EI24: variants seen among roughly 807,000 people sequenced by gnomAD.
The protein encoded by EI24 is etoposide-induced protein 2.4 homolog.
A neutral mutation model predicts 48.6 loss-of-function variants in EI24; 21 were observed. That is an observed-to-expected ratio of 0.43 (90% CI 0.31 to 0.62). The LOEUF is 0.62. Ranked by LOEUF, EI24 falls within the 20% of genes least tolerant of loss-of-function variation. The pLI is 0.10. For synonymous variants in EI24, 114 were observed against 145.5 expected (o/e 0.78, Z 1.56); for missense variants, 280 against 410.5 (o/e 0.68, Z 2.75).
intron 4 of EI24, 147 bp downstream of exon 4, chr11:125,576,462 C>A: frequency 1.3e-6 from 1 of 753,160 alleles, no homozygotes; most frequent in Non-Finnish European, 2.2e-6. Flanking sequence ...GTCTGTGCAT[C>A]TGCAGAGATT....
chr11:125,583,468 G>C, intron 10 of EI24, 53 bp from the exon 11 acceptor site: 1 of 1,435,268 alleles, frequency 7.0e-7, no homozygotes, highest in Non-Finnish European at 9.4e-7. Context: ...TCAAACAACG[G>C]AAATAATTTT....
chr11:125,574,347 A>C (rs532297800), intron 2 of EI24, among the ~76,000 whole-genome samples: 1 of 152,140 alleles, frequency 6.6e-6, no homozygotes, highest in Non-Finnish European at 1.5e-5. Flanking sequence ...AGAGGTGGGG[A>C]TCCTATCATC....
chr11:125,569,529 C>G lies in EI24; in HGVS notation c.-115C>G. On this transcript the variant is annotated 5_prime_UTR_variant, in exon 1 of 11. Coordinates refer to ENST00000278903, the MANE Select transcript of EI24 (RefSeq NM_004879.5). ...GAAGCGCCCCGGCGGAGCTGGCCTG[C>G]GGTGGGCTAGGGGCAGGGCCGGAGC... The G allele has an allele frequency of 2.6e-6, 1 of 379,480 alleles. No homozygotes were observed. The highest frequency in any genetic ancestry group is 4.7e-6 in the Non-Finnish European group (1 of 213,810). 23.5% of individuals were successfully genotyped at this position (379,480 alleles called of 1,614,324 possible).
In EI24 at chr11:125,578,179, C is replaced by T. The variant is rs769113421; in HGVS notation, c.363C>T (p.Phe121=). 3 of 1,613,862 alleles carry T rather than the reference C, an allele frequency of 1.9e-6. No homozygotes were observed. The highest frequency in any genetic ancestry group is 3.3e-5 in the Admixed American group (2 of 60,018). The change falls in exon 6 of 11, where the codon TTC becomes TTT. Residue 121 remains phenylalanine (F), a synonymous_variant. Transcript: ENST00000278903. ...ATGTTTGGTCGTGGCTGGAATTCTT[C>T]CTCACGTCAATTTTCAGTGCTCTTT... ...HGDVWSWLEF[F]LTSIFSALWV...
chr11:125,579,495 A>G (rs1178634953), intron 7 of EI24, among the ~76,000 whole-genome samples: 2 of 151,818 alleles, frequency 1.3e-5, no homozygotes, highest in Non-Finnish European at 2.9e-5. Flanking sequence ...GTGAAACCCC[A>G]TCTCTACTAA....
chr11:125,576,909 C>A (rs897488212), intron 4 of EI24, among the ~76,000 whole-genome samples: 1 of 152,066 alleles, frequency 6.6e-6, no homozygotes, highest in African/African-American at 2.4e-5. Context: ...AATATGTATT[C>A]CTGTGTACTT....
chr11:125,580,159 C>G lies in EI24; in HGVS notation c.628C>G (p.Leu210Val). 1 of 1,613,786 alleles carries G rather than the reference C, an allele frequency of 6.2e-7. No individual in the cohort carries two copies. The highest frequency in any genetic ancestry group is 8.5e-7 in the Non-Finnish European group (1 of 1,179,686). ...GQLVSLLHMSLLYSLYCFEYR... is the reference protein window; with the variant it reads ...GQLVSLLHMSVLYSLYCFEYR... ...GCTGGTTAGTCTCCTGCATATGTCC[C>G]TTCTCTACTCACTGTACTGCTTTGA... The change falls in exon 8 of 11, where the codon CTT becomes GTT. Residue 210 changes from leucine to valine, a missense_variant. Leu to Val is a conservative substitution (Grantham distance 32). This residue lies in a region of EI24 where 204 missense variants were observed against 294.1 expected (regional missense o/e 0.69). Coordinates refer to ENST00000278903, the MANE Select transcript of EI24 (RefSeq NM_004879.5).
intron 2 of EI24, among the ~76,000 whole-genome samples, chr11:125,573,078 C>A (rs1443421736): frequency 6.6e-6 from 1 of 151,088 alleles, no homozygotes; most frequent in African/African-American, 2.4e-5. Context: ...AAAAATTTTT[C>A]TGTTAAAAGT....
In EI24 at chr11:125,581,454, C is replaced by G. The variant is rs953566408; in HGVS notation, c.785+132C>G. 1.3e-5 allele frequency: 5 copies of G among 381,740 alleles called. No individual in the cohort carries two copies. The East Asian group carries it at 2.3e-4, about 18-fold the overall frequency. The allele number at this position is 381,740 out of a possible 1,614,324, so 23.6% of individuals were successfully genotyped here. On this transcript the variant is annotated intron_variant, in intron 9 of 10. Transcript: ENST00000278903. ...CCATCAGGAGACCTGCAGGGTATTT[C>G]TACATTTGTTAGCATGAAGATCTAG... is the stretch of plus-strand genomic sequence containing the variant.
chr11:125,575,099 C>A (rs1335341918), intron 2 of EI24, among the ~76,000 whole-genome samples, 164 bp from the exon 3 acceptor site: 1 of 151,858 alleles, frequency 6.6e-6, no homozygotes, highest in Admixed American at 6.6e-5. Context: ...TGGTGGTGCA[C>A]ATCTGTACTC....
chr11:125,572,632 A>G, intron 2 of EI24, 63 bp downstream of exon 2: 8 of 1,479,938 alleles, frequency 5.4e-6, no homozygotes, highest in Non-Finnish European at 7.5e-6. Flanking sequence ...TGAAGGAACC[A>G]TCTAGGAAAT....
chr11:125,580,304 C>G, intron 8 of EI24, 100 bp downstream of exon 8: 1 of 901,928 alleles, frequency 1.1e-6, no homozygotes. Flanking sequence ...TTTTGGCAAA[C>G]AATCCTTTGA....
intron 5 of EI24, 158 bp downstream of exon 5, chr11:125,577,728 TCTC>T (rs1464061666): frequency 3.1e-6 from 2 of 642,318 alleles, no homozygotes; most frequent in Non-Finnish European, 5.1e-6. Context: ...ATTTCGTTAT[TCTC>T]CTAGAGGCCC....
In EI24 at chr11:125,578,230, C is replaced by T. The variant is rs747713258; in HGVS notation, c.414C>T (p.Ser138=). The T allele has an allele frequency of 4.3e-6, 7 of 1,613,824 alleles. No individual in the cohort carries two copies. The highest frequency in any genetic ancestry group is 5.9e-6 in the Non-Finnish European group (7 of 1,179,902). The part of the protein sequence containing the change: ...ALWVLPLFVL[S]KVVNAIWFQD... ...GGGTGCTCCCCTTGTTTGTGCTTAGCAAAGTGGTGAATGCCATTTGGTTTC... is the reference window on the plus strand; with the variant it reads ...GGGTGCTCCCCTTGTTTGTGCTTAGTAAAGTGGTGAATGCCATTTGGTTTC... The change falls in exon 6 of 11, where the codon AGC becomes AGT. Residue 138 remains serine, a synonymous_variant. Transcript: ENST00000278903.
chr11:125,575,771 CAT>C, intron 3 of EI24: 1 of 260,304 alleles, frequency 3.8e-6, no homozygotes, highest in Non-Finnish European at 7.7e-6. Flanking sequence ...AAGCTGGTTC[CAT>C]ATATATACAC....
At chr11:125,570,508 A>G (rs1284153005) in intron 1 of EI24, 1 of 152,228 alleles carries the variant, frequency 6.6e-6, no homozygotes, top group Non-Finnish European at 1.5e-5. Context: ...GGTCACTCTT[A>G]GGAGGTGTCC....
chr11:125,577,992 T>C (rs1938818220), intron 5 of EI24, 141 bp from the exon 6 acceptor site: 2 of 934,402 alleles, frequency 2.1e-6, no homozygotes, highest in South Asian at 1.6e-5. Flanking sequence ...GTTAGACTCT[T>C]TGAGATAGGT....
At chr11:125,572,607 C>CTT (rs369141998) in intron 2 of EI24, 38 bp downstream of exon 2, 249 of 1,384,202 alleles carry the variant, frequency 1.8e-4, no homozygotes, top group Middle Eastern at 3.8e-4. Context: ...ATCTCTCGGC[C>CTT]TTTTTTTTTT....
At chr11:125,576,615 G>A (rs1018159660) in intron 4 of EI24, among the ~76,000 whole-genome samples, 2 of 152,174 alleles carry the variant, frequency 1.3e-5, no homozygotes, top group Admixed American at 6.5e-5. Context: ...ATTTTAAAAT[G>A]CTAACAGCAA....
Sources: gnomAD v4.1 joint callset for allele counts (sites outside exome capture counted in the v4.1 genomes callset) on GRCh38, gnomAD v4.1.1 for gene constraint, gnomAD v4.1.1 regional missense constraint, MANE v1.5 for transcripts, NCBI Gene and HGNC (gene_info 2026-07-23, HGNC 2026-07-21) for gene names.